The following LRRC41 variants were observed in gnomAD, a reference collection of about 807,000 sequenced individuals.
LRRC41 encodes the protein leucine-rich repeat-containing protein 41.
A neutral mutation model predicts 72.1 loss-of-function variants in LRRC41; 17 were observed. The ratio of observed to expected loss-of-function variants is 0.24; its 90% CI spans 0.16 to 0.35. LRRC41 has a LOEUF of 0.35. Ranked by LOEUF, LRRC41 falls within the 10% of genes least tolerant of loss-of-function variation. LRRC41 has a pLI of 1.00. For missense variants in LRRC41, 759 were observed against 1,065.0 expected, an observed-to-expected ratio of 0.71 and a Z score of 4.00; for synonymous variants, 427 against 431.0, an observed-to-expected ratio of 0.99 and a Z score of 0.11.
At chr1:46,303,092 A>C in intron 1 of LRRC41, 32 bp downstream of exon 1, 1 of 1,354,336 alleles carries the variant, frequency 7.4e-7, no homozygotes, top group Non-Finnish European at 9.5e-7. Flanking sequence ...CCTTGCTCTT[A>C]GCCAGAGGTA....
rs1660874293 is a variant in LRRC41 at position 46,285,862 on chromosome 1, G to A, written c.995C>T (p.Thr332Ile). 1.3e-6 allele frequency: 2 copies of A among 1,583,424 alleles called. No homozygotes were observed. The highest frequency in any genetic ancestry group is 2.3e-5 in the South Asian group (2 of 86,228). ...VTRRSTQESL[T>I]AGGTDLKREL... is the part of the protein sequence containing the mutation. ...CCTCTTAAGGTCTGTTCCGCCTGCTGTCAGGCTCTCCTGTGTGCTCCGGCG... is the reference window on the plus strand; with the variant it reads ...CCTCTTAAGGTCTGTTCCGCCTGCTATCAGGCTCTCCTGTGTGCTCCGGCG... Residue 332 changes from threonine (T) to isoleucine (I), a missense_variant, in exon 4 of 10, where the codon ACA (threonine) becomes ATA (isoleucine). Around this residue, in one of 4 missense-constraint regions of LRRC41, gnomAD observed 427 missense variants for 520.9 expected, o/e 0.82. Coordinates refer to ENST00000617190, the MANE Select transcript of LRRC41 (RefSeq NM_006369.5). This position sits in a 1 kb window ranked among gnomAD's most constrained non-coding sequence, Gnocchi z 5.3.
intron 1 of LRRC41, chr1:46,299,050 T>C (rs746431032): frequency 1.3e-5 from 2 of 152,248 alleles, no homozygotes; most frequent in Admixed American, 6.5e-5. Flanking sequence ...CTATGAAGAA[T>C]AGAAACAATT....
In LRRC41 at chr1:46,281,193, C is replaced by T. The variant is rs1482893246; in HGVS notation, c.1688G>A (p.Arg563Gln). 9 of 1,614,164 alleles carry T rather than the reference C, an allele frequency of 5.6e-6. No individual in the cohort carries two copies. In the East Asian group the frequency reaches 6.7e-5, roughly 12 times the overall value. The change falls in exon 5 of 10, where the codon CGG (arginine) becomes CAG (glutamine). Residue 563 changes from arginine (R) to glutamine (Q), a missense_variant. Physicochemically the swap from Arg to Gln is conservative, Grantham distance 43. Around this residue, in one of 4 missense-constraint regions of LRRC41, gnomAD observed 427 missense variants for 520.9 expected, o/e 0.82. Coordinates refer to ENST00000617190, the MANE Select transcript of LRRC41 (RefSeq NM_006369.5). ...LSIRVDHPSQ[R>Q]DNPGVPGNAG... is the part of the protein sequence containing the mutation. ...ATTCCCTGGCACACCAGGGTTGTCC[C>T]GCTGGCTTGGGTGGTCAACACGAAT...
chr1:46,284,842 C>A (rs1253696244), intron 4 of LRRC41, among the ~76,000 whole-genome samples: 1 of 152,152 alleles, frequency 6.6e-6, no homozygotes, highest in Non-Finnish European at 1.5e-5. Context: ...TGATTTGTCT[C>A]TAGCAGTGCT....
rs1238584453 is a variant in LRRC41, at chr1:46,279,874, T to TAAGA, written c.2021-261_2021-260insTCTT. 6.6e-6 allele frequency among the ~76,000 whole-genome samples: 1 copy of TAAGA among 152,180 alleles called. No homozygotes were observed. Among genetic ancestry groups the TAAGA allele is most frequent in the African/African-American group, 2.4e-5 (1 of 41,448 alleles). On this transcript the variant is annotated intron_variant, in intron 7 of 9. Coordinates refer to ENST00000617190, the MANE Select transcript of LRRC41 (RefSeq NM_006369.5). The surrounding 1 kb of genome is among the most constrained non-coding windows in gnomAD (Gnocchi z 4.5). The stretch of plus-strand genomic sequence containing the variant: ...TTTCCCTAACACTGGCCACCCTCTA[T>TAAGA]GCGGGGGTGGGGATCAGAGAAAAGT...
At chr1:46,281,523 TAAC>T in intron 4 of LRRC41, 138 bp from the exon 5 acceptor site, 1 of 807,922 alleles carries the variant, frequency 1.2e-6, no homozygotes. Flanking sequence ...CCATTTGTCT[TAAC>T]TACTCATCCA....
intron 3 of LRRC41, among the ~76,000 whole-genome samples, chr1:46,288,369 C>A (rs1031300095): frequency 6.6e-6 from 1 of 152,210 alleles, no homozygotes; most frequent in Non-Finnish European, 1.5e-5. Flanking sequence ...AGATAACCTG[C>A]TTCACAGGAT....
Position 46,279,656 on chromosome 1 carries a change from G to A in LRRC41, c.2021-42C>T. 3.7e-6 allele frequency: 6 copies of A among 1,612,722 alleles called. No individual in the cohort carries two copies. The highest frequency in any genetic ancestry group is 5.1e-6 in the Non-Finnish European group (6 of 1,179,024). ...TAGTAAATTCTGATGGCTGCATTAG[G>A]ACTGGTGCTGCCCCTCCTGCCCCAG... On this transcript the variant is annotated intron_variant, in intron 7 of 9. Coordinates refer to ENST00000617190, the MANE Select transcript of LRRC41 (RefSeq NM_006369.5). This position sits in a 1 kb window ranked among gnomAD's most constrained non-coding sequence, Gnocchi z 4.5.
chr1:46,302,421 G>A lies in LRRC41; in HGVS notation c.199+703C>T. On this transcript the variant is annotated intron_variant, in intron 1 of 9. Coordinates refer to ENST00000617190, the MANE Select transcript of LRRC41 (RefSeq NM_006369.5). This position sits in a 1 kb window ranked among gnomAD's most constrained non-coding sequence, Gnocchi z 4.7. Reference sequence around the variant, plus strand: ...AGTGGCCTCCGGCGCTCCCTGTCCTGCGGGTCGCACGGTCGCTCGGTCGCT... The same window carrying A: ...AGTGGCCTCCGGCGCTCCCTGTCCTACGGGTCGCACGGTCGCTCGGTCGCT... The A allele has an allele frequency of 2.0e-6, 2 of 985,404 alleles. No homozygotes were observed. Among genetic ancestry groups the A allele is most frequent in the Non-Finnish European group, 2.4e-6 (2 of 829,926 alleles). The allele number at this position is 985,404 out of a possible 1,614,324, so 61.0% of individuals were successfully genotyped here.
chr1:46,297,981 TG>T (rs1661156941), intron 2 of LRRC41, among the ~76,000 whole-genome samples: 1 of 152,170 alleles, frequency 6.6e-6, no homozygotes, highest in African/African-American at 2.4e-5. Context: ...TTAACAGATG[TG>T]TCTAATGAGG....
chr1:46,292,290 G>C (rs1248189036), intron 3 of LRRC41, among the ~76,000 whole-genome samples: 2 of 151,768 alleles, frequency 1.3e-5, no homozygotes, highest in Admixed American at 1.3e-4. Flanking sequence ...TAGAGATGGG[G>C]TTTCCCTGTG....
Position 46,279,658 on chromosome 1 carries a change from C to T in LRRC41, c.2021-44G>A. The stretch of plus-strand genomic sequence containing the variant: ...GTAAATTCTGATGGCTGCATTAGGA[C>T]TGGTGCTGCCCCTCCTGCCCCAGTT... On this transcript the variant is annotated intron_variant, in intron 7 of 9. Coordinates refer to ENST00000617190, the MANE Select transcript of LRRC41 (RefSeq NM_006369.5). The surrounding 1 kb of genome is among the most constrained non-coding windows in gnomAD (Gnocchi z 4.5). 1 of 1,612,710 alleles carries T rather than the reference C, an allele frequency of 6.2e-7. No individual in the cohort carries two copies. Among genetic ancestry groups the T allele is most frequent in the Non-Finnish European group, 8.5e-7 (1 of 1,179,134 alleles).
intron 3 of LRRC41, 78 bp downstream of exon 3, chr1:46,297,485 C>T: frequency 1.7e-6 from 2 of 1,165,510 alleles, no homozygotes; most frequent in Non-Finnish European, 2.6e-6. Context: ...TTTATCAGTA[C>T]CCAGCTTGTG....
intron 3 of LRRC41, among the ~76,000 whole-genome samples, chr1:46,292,157 T>A (rs1661033083): frequency 6.6e-6 from 1 of 150,686 alleles, no homozygotes; most frequent in Non-Finnish European, 1.5e-5. Context: ...CTACTAAAAA[T>A]ACAAAAAGTA....
chr1:46,277,793 C>T lies in LRRC41; in HGVS notation c.*1072G>A, dbSNP rs1358331029. On this transcript the variant is annotated 3_prime_UTR_variant, in exon 10 of 10. Coordinates refer to ENST00000617190, the MANE Select transcript of LRRC41 (RefSeq NM_006369.5). ...GATGGCTAAGCGCTGTATCTTTTGA[C>T]ATTCCCCACCTCCTCTTCCCCAGGC... 1 of 1,588,328 alleles carries T rather than the reference C, an allele frequency of 6.3e-7. No homozygotes were observed. The highest frequency in any genetic ancestry group is 8.6e-7 in the Non-Finnish European group (1 of 1,157,286).
chr1:46,288,672 A>G (rs1349559910), intron 3 of LRRC41, among the ~76,000 whole-genome samples: 1 of 152,222 alleles, frequency 6.6e-6, no homozygotes, highest in Non-Finnish European at 1.5e-5. Context: ...GCTGTCCTCA[A>G]GCAAAAGTGT....
chr1:46,281,409 C>G, intron 4 of LRRC41, 24 bp from the exon 5 acceptor site: 1 of 1,611,906 alleles, frequency 6.2e-7, no homozygotes, highest in Non-Finnish European at 8.5e-7. Context: ...GAGATTAAGT[C>G]AGAACCATGT....
Position 46,279,304 on chromosome 1 carries a change from G to C in LRRC41, c.2144-47C>G. 2 of 1,601,630 alleles carry C rather than the reference G, an allele frequency of 1.2e-6. No individual in the cohort carries two copies. The highest frequency in any genetic ancestry group is 3.3e-5 in the Admixed American group (2 of 60,000). On this transcript the variant is annotated intron_variant, in intron 8 of 9. Transcript: ENST00000617190. This position sits in a 1 kb window ranked among gnomAD's most constrained non-coding sequence, Gnocchi z 4.5. ...CTATCACCTCCACCCAAGAACAGGG[G>C]ACAAGGGTATCCCAACCCAACTATG...
At position 46,281,319 on chromosome 1, in the gene LRRC41, C is replaced by T. The variant is rs766875587; in HGVS notation, c.1562G>A (p.Arg521His). The T allele has an allele frequency of 6.9e-5, 111 of 1,614,022 alleles. 2 individuals are homozygous for T. In the South Asian group the frequency reaches 6.9e-4, roughly 10 times the overall value. ...GTCACTGAGATGCAGGGCACGGAGG[C>T]GACATCCAGCCTGGCCTGACAGGGC... The part of the protein sequence containing the change: ...LRALSGQAGC[R>H]LRALHLSDLF... The change falls in exon 5 of 10, where the codon CGC (arginine) becomes CAC (histidine). Residue 521 changes from arginine (R) to histidine (H), a missense_variant. Physicochemically the swap from Arg to His is conservative, Grantham distance 29 (BLOSUM62 0). Coordinates refer to ENST00000617190, the MANE Select transcript of LRRC41 (RefSeq NM_006369.5).
Sources: allele counts gnomAD v4.1 joint callset (sites outside exome capture counted in the v4.1 genomes callset), GRCh38; gene constraint gnomAD v4.1.1; regional missense constraint gnomAD v4.1.1; non-coding constraint Gnocchi (gnomAD v3.1); transcripts MANE v1.5; gene names NCBI Gene and HGNC (gene_info 2026-07-23, HGNC 2026-07-21).